Variants in ZNF484 observed in about 807,000 individuals in gnomAD.
The protein encoded by ZNF484 is KRAB box containing C2H2 type zinc finger bA526D8.4.
In ZNF484, 11 loss-of-function variants were observed where a neutral mutation model predicts 12.9. The ratio of observed to expected loss-of-function variants is 0.85; its 90% CI spans 0.54 to 1.41. The LOEUF is 1.41. ZNF484 is among the 40% of genes most tolerant of loss of function. The pLI is 0.00. For synonymous variants in ZNF484, 289 were observed against 334.1 expected (o/e 0.86, Z 1.47); for missense variants, 807 against 1,007.7 (o/e 0.80, Z 2.70).
At chr9:92,873,827 A>C (rs769321679) in intron 2 of ZNF484, among the ~76,000 whole-genome samples, 3 of 152,182 alleles carry the variant, frequency 2.0e-5, no homozygotes, top group Non-Finnish European at 2.9e-5. Context: ...CAGAAATAGT[A>C]CCAAAAGAAA....
intron 2 of ZNF484, among the ~76,000 whole-genome samples, chr9:92,860,617 A>AC (rs938384353): frequency 7.9e-5 from 12 of 151,314 alleles, no homozygotes; most frequent in Middle Eastern, 3.4e-3. Context: ...AAAAAAAAAA[A>AC]AACAACAAAA....
At chr9:92,851,073 TAG>T (rs1286375880) in intron 4 of ZNF484, among the ~76,000 whole-genome samples, 2 of 152,342 alleles carry the variant, frequency 1.3e-5, no homozygotes, top group East Asian at 1.9e-4. Flanking sequence ...TTCACAACAC[TAG>T]GTTTGTTCAG....
chr9:92,875,777 A>G, intron 1 of ZNF484, among the ~76,000 whole-genome samples: 1 of 152,182 alleles, frequency 6.6e-6, no homozygotes. Context: ...CACATACACA[A>G]ACAGGAACTC....
chr9:92,855,338 C>T (rs920608530), intron 4 of ZNF484, among the ~76,000 whole-genome samples: 3 of 151,952 alleles, frequency 2.0e-5, no homozygotes, highest in African/African-American at 7.3e-5. Context: ...CTCTAGATGA[C>T]AATTGTGAGG....
chr9:92,851,760 C>A (rs183127362), intron 4 of ZNF484, among the ~76,000 whole-genome samples: 2 of 152,300 alleles, frequency 1.3e-5, no homozygotes, highest in Admixed American at 6.5e-5. Flanking sequence ...TTTTTCTGAT[C>A]TTTTGTTTCT....
At chr9:92,874,143 A>C (rs1018691703) in intron 2 of ZNF484, among the ~76,000 whole-genome samples, 11 of 152,228 alleles carry the variant, frequency 7.2e-5, no homozygotes, top group Non-Finnish European at 1.3e-4. Flanking sequence ...TGGTCCTTGG[A>C]CAAGGAGCAT....
At chr9:92,855,002 A>T (rs967821895) in intron 4 of ZNF484, among the ~76,000 whole-genome samples, 2 of 152,206 alleles carry the variant, frequency 1.3e-5, no homozygotes, top group African/African-American at 4.8e-5. Flanking sequence ...ATGGCATAAC[A>T]TGTCAAATAT....
intron 2 of ZNF484, among the ~76,000 whole-genome samples, 166 bp downstream of exon 2, chr9:92,874,849 A>T (rs1004726850): frequency 5.1e-4 from 78 of 152,306 alleles, no homozygotes; most frequent in African/African-American, 1.9e-3. Context: ...AAGACCATAT[A>T]TTCTAAACTT....
At chr9:92,876,858 T>A (rs566927140) in intron 1 of ZNF484, among the ~76,000 whole-genome samples, 26 of 152,272 alleles carry the variant, frequency 1.7e-4, no homozygotes, top group African/African-American at 6.3e-4. Flanking sequence ...AGATAAAGAT[T>A]TGAAAAATAC....
rs1345240043 is a variant in ZNF484, at chr9:92,847,283, C to G, written c.1504G>C (p.Gly502Arg). The change falls in exon 5 of 5, where the codon GGT (glycine) becomes CGT (arginine). Residue 502 changes from glycine to arginine, a missense_variant. Transcript: ENST00000375495. Reference protein sequence around the residue: ...GERPYICTVCGKAFTDRSNLI... With the variant: ...GERPYICTVCRKAFTDRSNLI... ...TTTGACCTGTCAGTAAAGGCCTTACCACACACAGTACATATATAGGGTCTT... is the reference window on the plus strand; with the variant it reads ...TTTGACCTGTCAGTAAAGGCCTTACGACACACAGTACATATATAGGGTCTT... The G allele has an allele frequency of 1.2e-6, 2 of 1,613,960 alleles. No individual in the cohort carries two copies. Among genetic ancestry groups the G allele is most frequent in the Non-Finnish European group, 1.7e-6 (2 of 1,180,008 alleles).
chr9:92,868,362 C>G (rs947579329), intron 2 of ZNF484, among the ~76,000 whole-genome samples: 1 of 152,144 alleles, frequency 6.6e-6, no homozygotes, highest in African/African-American at 2.4e-5. Flanking sequence ...CTAGAGCCAA[C>G]GGCCTGGGTC....
chr9:92,855,205 T>C (rs1234507858), intron 4 of ZNF484, among the ~76,000 whole-genome samples: 1 of 151,996 alleles, frequency 6.6e-6, no homozygotes, highest in Admixed American at 6.6e-5. Flanking sequence ...GATATGAAAA[T>C]AAATAAATTA....
At chr9:92,860,810 T>A (rs1278375127) in intron 2 of ZNF484, among the ~76,000 whole-genome samples, 1 of 152,036 alleles carries the variant, frequency 6.6e-6, no homozygotes, top group Non-Finnish European at 1.5e-5. Flanking sequence ...TTATATAGAC[T>A]GTATTGGCTA....
At chr9:92,855,714 A>T in intron 4 of ZNF484, 97 bp downstream of exon 4, 2 of 1,054,262 alleles carry the variant, frequency 1.9e-6, no homozygotes, top group Non-Finnish European at 2.9e-6. Flanking sequence ...AGTCATTATT[A>T]ATGACACATC....
chr9:92,856,286 G>A lies in ZNF484; in HGVS notation c.48C>T (p.Asp16=), dbSNP rs2117942067. 1 of 1,608,610 alleles carries A rather than the reference G, an allele frequency of 6.2e-7. No homozygotes were observed. The highest frequency in any genetic ancestry group is 8.5e-7 in the Non-Finnish European group (1 of 1,177,766). ...ATTGTTGCCACTCATCCCTACTGAAGTCTACAGTTACGTCCTTGAATGACA... is the reference window on the plus strand; with the variant it reads ...ATTGTTGCCACTCATCCCTACTGAAATCTACAGTTACGTCCTTGAATGACA... ...ESVSFKDVTV[D]FSRDEWQQLD... is the part of the protein sequence containing the mutation. Residue 16 remains aspartate, a synonymous_variant, in exon 3 of 5, where the codon GAC becomes GAT. Transcript: ENST00000375495.
chr9:92,848,150 G>A lies in ZNF484; in HGVS notation c.637C>T (p.His213Tyr), dbSNP rs1855810264. 2 of 1,613,990 alleles carry A rather than the reference G, an allele frequency of 1.2e-6. No homozygotes were observed. The highest frequency in any genetic ancestry group is 1.1e-5 in the South Asian group (1 of 91,066). Residue 213 changes from histidine to tyrosine, a missense_variant, in exon 5 of 5, where the codon CAT (histidine) becomes TAT (tyrosine). His to Tyr is a moderately conservative substitution (Grantham distance 83, BLOSUM62 2). Coordinates refer to ENST00000375495, the MANE Select transcript of ZNF484 (RefSeq NM_031486.4). This position sits in a 1 kb window ranked among gnomAD's most constrained non-coding sequence, Gnocchi z 4.1. ...KTIGDGDIFT[H>Y]LNSHTEVTAC... The stretch of plus-strand genomic sequence containing the variant: ...GTCACTTCTGTATGAGAATTCAAAT[G>A]AGTGAAAATATCACCATCTCCAATA...
At chr9:92,853,412 A>G (rs1856230578) in intron 4 of ZNF484, among the ~76,000 whole-genome samples, 1 of 152,238 alleles carries the variant, frequency 6.6e-6, no homozygotes, top group Non-Finnish European at 1.5e-5. Flanking sequence ...TCACACAAAC[A>G]GCCAGACCCT....
chr9:92,876,900 G>C (rs1004628758), intron 1 of ZNF484, among the ~76,000 whole-genome samples: 3 of 152,054 alleles, frequency 2.0e-5, no homozygotes, highest in African/African-American at 7.2e-5. Context: ...AGAGAATTTT[G>C]GTCCATACAA....
intron 2 of ZNF484, among the ~76,000 whole-genome samples, chr9:92,874,352 C>T (rs2118275382): frequency 6.7e-6 from 1 of 148,154 alleles, no homozygotes; most frequent in East Asian, 2.0e-4. Flanking sequence ...GCTCTTGTTG[C>T]CCAGGCTGGA....
Sources: allele counts gnomAD v4.1 joint callset (sites outside exome capture counted in the v4.1 genomes callset), GRCh38; gene constraint gnomAD v4.1.1; non-coding constraint Gnocchi (gnomAD v3.1); transcripts MANE v1.5; gene names NCBI Gene and HGNC (gene_info 2026-07-23, HGNC 2026-07-21).